The following INTS1 variants were observed in gnomAD, a reference collection of about 807,000 sequenced individuals.
INTS1 encodes the protein integrator complex subunit 1.
INTS1 carries 137 observed loss-of-function variants against 241.6 expected under a neutral mutation model. The ratio of observed to expected loss-of-function variants is 0.57; its 90% CI spans 0.49 to 0.65. INTS1 has a LOEUF of 0.65. Ranked by LOEUF, INTS1 falls within the 30% of genes least tolerant of loss-of-function variation. The probability of loss-of-function intolerance (pLI) is 0.00; values close to 1 mark genes in which losing one functional copy is unlikely to be tolerated. For synonymous variants in INTS1, 1,692 were observed against 1,337.8 expected (o/e 1.26, Z -5.78); for missense variants, 3,073 against 3,032.2 (o/e 1.01, Z -0.32).
chr7:1,493,984 C>T lies in INTS1; in HGVS notation c.1911-73G>A. 2.0e-6 allele frequency: 3 copies of T among 1,480,378 alleles called. No individual in the cohort carries two copies. Among genetic ancestry groups the T allele is most frequent in the Non-Finnish European group, 2.7e-6 (3 of 1,103,848 alleles). 91.7% of individuals were successfully genotyped at this position (1,480,378 alleles called of 1,614,324 possible). A position where few individuals can be genotyped will look rare whatever the true frequency, so the allele number is the denominator to read the frequency against. On this transcript the variant is annotated intron_variant, in intron 14 of 47. Transcript: ENST00000404767. This position sits in a 1 kb window ranked among gnomAD's most constrained non-coding sequence, Gnocchi z 5.3. ...CAGACCTGAGGGGCCGAGGACAGGC[C>T]AGCTTCTCCCTCAGAGCCCACGGGC...
chr7:1,495,663 G>T, intron 12 of INTS1, 110 bp from the exon 13 acceptor site: 2 of 1,369,208 alleles, frequency 1.5e-6, no homozygotes, highest in Non-Finnish European at 2.0e-6. Flanking sequence ...GTAACTCAGG[G>T]CACCCCCAGC....
At chr7:1,474,490 G>C (rs1207891802) in intron 40 of INTS1, 130 bp from the exon 41 acceptor site, 2 of 1,181,702 alleles carry the variant, frequency 1.7e-6, no homozygotes, top group Non-Finnish European at 2.3e-6. Context: ...CCTGCCCTAA[G>C]GAGGTGGGGA....
chr7:1,476,092 C>G (rs1212636443), intron 38 of INTS1, 21 bp from the exon 39 acceptor site: 15 of 1,533,592 alleles, frequency 9.8e-6, no homozygotes, highest in Non-Finnish European at 7.0e-6. Flanking sequence ...TGGAGCAGGG[C>G]TCACCAGGCG....
Position 1,479,563 on chromosome 7 carries a change from G to A in INTS1, c.4196C>T (p.Pro1399Leu), listed in dbSNP as rs951684567. The change falls in exon 31 of 48, where the codon CCG becomes CTG. Residue 1399 changes from proline (P) to leucine (L), a missense_variant. Physicochemically the swap from Pro to Leu is moderately conservative, Grantham distance 98 (BLOSUM62 -3). Transcript: ENST00000404767. Reference sequence around the variant, plus strand: ...CTGCAGGACACGCACCGTGATGCCCGGCACCTCGGGGCTGCCCTGGACGAC... The same window carrying A: ...CTGCAGGACACGCACCGTGATGCCCAGCACCTCGGGGCTGCCCTGGACGAC... Reference protein sequence around the residue: ...ARVVQGSPEVPGITVRVLQAL... With the variant: ...ARVVQGSPEVLGITVRVLQAL... 18 of 1,549,122 alleles carry A rather than the reference G, an allele frequency of 1.2e-5. No homozygotes were observed. Among genetic ancestry groups the A allele is most frequent in the African/African-American group, 4.1e-5 (3 of 73,140 alleles).
intron 2 of INTS1, among the ~76,000 whole-genome samples, 186 bp downstream of exon 2, chr7:1,503,717 C>T (rs1206794698): frequency 6.6e-6 from 1 of 152,214 alleles, no homozygotes; most frequent in East Asian, 1.9e-4. Flanking sequence ...CGCCACTGTC[C>T]CAAGCCTCCC....
intron 35 of INTS1, 95 bp from the exon 36 acceptor site, chr7:1,477,013 G>C (rs1448264797): frequency 4.8e-6 from 7 of 1,458,260 alleles, no homozygotes; most frequent in Non-Finnish European, 5.5e-6. Context: ...GCCACTCAGA[G>C]AGCCGAGGCT....
Position 1,473,162 on chromosome 7 carries a change from C to T in INTS1, c.5980G>A (p.Asp1994Asn), listed in dbSNP as rs1781551173. Residue 1994 changes from aspartate to asparagine, a missense_variant, in exon 43 of 48, where the codon GAC (aspartate) becomes AAC (asparagine). Physicochemically the swap from Asp to Asn is conservative, Grantham distance 23. Coordinates refer to ENST00000404767, the MANE Select transcript of INTS1 (RefSeq NM_001080453.3). ...AGGAGGGATTTCAGCATCACCAGGT[C>T]ACTGTTGTCGAAGGACAGGTCGCTG... ...PLHDLSFDNS[D>N]LVMLKSLLAG... The T allele has an allele frequency of 1.2e-6, 2 of 1,611,864 alleles. No individual in the cohort carries two copies. The highest frequency in any genetic ancestry group is 1.3e-5 in the African/African-American group (1 of 74,912).
Position 1,470,698 on chromosome 7 carries a change from G to C in INTS1, c.6458-6C>G. 6.5e-7 allele frequency: 1 copy of C among 1,533,864 alleles called. No homozygotes were observed. Among genetic ancestry groups the C allele is most frequent in the East Asian group, 2.4e-5 (1 of 41,466 alleles). ...GAGCAGCACAGCCGCGTGCTCTGTG[G>C]GGGAAACGGGGCCCTGCACGTCACG... On this transcript the variant is annotated splice_polypyrimidine_tract_variant and splice_region_variant and intron_variant, in intron 47 of 47. Transcript: ENST00000404767.
chr7:1,477,702 G>T (rs369847088), intron 34 of INTS1, 29 bp from the exon 35 acceptor site: 2 of 1,603,796 alleles, frequency 1.2e-6, no homozygotes, highest in Admixed American at 1.7e-5. Flanking sequence ...TCAGGGAAGG[G>T]CTGGTGCCAC....
intron 29 of INTS1, among the ~76,000 whole-genome samples, 192 bp downstream of exon 29, chr7:1,480,643 C>A (rs112023133): frequency 0.016 from 2,414 of 152,294 alleles, 61 homozygotes; most frequent in African/African-American, 0.053. Context: ...AACGTGCATG[C>A]TGGCCAGAGG....
intron 35 of INTS1, 41 bp from the exon 36 acceptor site, chr7:1,476,959 C>T (rs1329372093): frequency 1.3e-6 from 2 of 1,583,510 alleles, no homozygotes; most frequent in Admixed American, 3.6e-5. Context: ...TCACCTGGGC[C>T]AATGGCAGGC....
chr7:1,489,526 C>A (rs929721334), intron 17 of INTS1, 65 bp downstream of exon 17: 3 of 1,526,572 alleles, frequency 2.0e-6, no homozygotes, highest in East Asian at 2.4e-5. Flanking sequence ...AACAGACAAA[C>A]TGCCCCAAAG....
At position 1,497,096 on chromosome 7, in the gene INTS1, C is replaced by G. The variant is rs767302150; in HGVS notation, c.1602+42G>C. On this transcript the variant is annotated intron_variant, in intron 11 of 47. Coordinates refer to ENST00000404767, the MANE Select transcript of INTS1 (RefSeq NM_001080453.3). This position sits in a 1 kb window ranked among gnomAD's most constrained non-coding sequence, Gnocchi z 5.3. ...ACGAGGGGGATGGCGGCGCGTGGAA[C>G]CCGCAGTGAGGGAAAGGCGCCCCAG... The G allele has an allele frequency of 1.4e-5, 21 of 1,552,514 alleles. No individual in the cohort carries two copies. In the East Asian group the frequency reaches 4.6e-4, roughly 34 times the overall value.
intron 30 of INTS1, among the ~76,000 whole-genome samples, 186 bp downstream of exon 30, chr7:1,480,131 G>C (rs1395813807): frequency 6.6e-6 from 1 of 152,288 alleles, no homozygotes; most frequent in Non-Finnish European, 1.5e-5. Flanking sequence ...GAGAGCATGG[G>C]GGTGTTACGT....
rs763288140 is a variant in INTS1 at position 1,472,264 on chromosome 7, C to T, written c.6184+9G>A. 6.5e-7 allele frequency: 1 copy of T among 1,546,868 alleles called. No homozygotes were observed. Among genetic ancestry groups the T allele is most frequent in the South Asian group, 1.2e-5 (1 of 84,044 alleles). On this transcript the variant is annotated intron_variant, in intron 44 of 47. Coordinates refer to ENST00000404767, the MANE Select transcript of INTS1 (RefSeq NM_001080453.3). Reference sequence around the variant, plus strand: ...TGACCTGGCGTGGGTGAAGCAGGGCCTGACTCACCCTCCACCGTTTGGCCC... The same window carrying T: ...TGACCTGGCGTGGGTGAAGCAGGGCTTGACTCACCCTCCACCGTTTGGCCC...
At chr7:1,487,509 C>T (rs1554277331) in intron 19 of INTS1, 60 bp from the exon 20 acceptor site, 4 of 1,556,044 alleles carry the variant, frequency 2.6e-6, no homozygotes, top group Non-Finnish European at 3.5e-6. Flanking sequence ...CCCCAGAACC[C>T]CTCCTCCTCC....
rs1401763177 is a variant in INTS1, at chr7:1,473,627, A to C, written c.5896T>G (p.Tyr1966Asp). The change falls in exon 42 of 48, where the codon TAC becomes GAC. Residue 1966 changes from tyrosine to aspartate, a missense_variant. Tyr to Asp is a radical substitution (Grantham distance 160). Coordinates refer to ENST00000404767, the MANE Select transcript of INTS1 (RefSeq NM_001080453.3). ...INKFVQFIHKYITYNAPAAIS... is the reference protein window; with the variant it reads ...INKFVQFIHKDITYNAPAAIS... ...GCTGCTGGGGCATTGTAGGTAATGT[A>C]CTTATGGATGAACTGCACAAACTTG... 1 of 1,613,204 alleles carries C rather than the reference A, an allele frequency of 6.2e-7. No homozygotes were observed. The highest frequency in any genetic ancestry group is 8.5e-7 in the Non-Finnish European group (1 of 1,179,722).
intron 16 of INTS1, among the ~76,000 whole-genome samples, chr7:1,491,840 G>T (rs1421404401): frequency 6.6e-6 from 1 of 152,246 alleles, no homozygotes; most frequent in Non-Finnish European, 1.5e-5. Context: ...TGAGGCTGCA[G>T]TGAACCGTTG....
chr7:1,499,657 C>T (rs1023611042), intron 5 of INTS1, 25 bp from the exon 6 acceptor site: 2 of 1,576,264 alleles, frequency 1.3e-6, no homozygotes, highest in Non-Finnish European at 1.7e-6. Flanking sequence ...CACCCTCAGC[C>T]CCGAGCCCAG....
Sources: gnomAD v4.1 joint callset for allele counts (sites outside exome capture counted in the v4.1 genomes callset) on GRCh38, gnomAD v4.1.1 for gene constraint, Gnocchi (gnomAD v3.1) non-coding constraint, MANE v1.5 for transcripts, NCBI Gene and HGNC (gene_info 2026-07-23, HGNC 2026-07-21) for gene names.